Variants in KLF15 observed in about 807,000 individuals in gnomAD.
The protein encoded by KLF15 is KLF transcription factor 15.
In KLF15, 4 loss-of-function variants were observed where a neutral mutation model predicts 24.6. The observed-to-expected ratio is 0.16, with a 90% confidence interval of 0.08 to 0.37. The LOEUF is 0.37. KLF15 is among the 10% of genes least tolerant of loss of function. The probability of loss-of-function intolerance (pLI) is 1.00; values close to 1 mark genes in which losing one functional copy is unlikely to be tolerated. For synonymous variants in KLF15, 246 were observed against 236.3 expected, an observed-to-expected ratio of 1.04 and a Z score of -0.37; for missense variants, 496 against 560.6, an observed-to-expected ratio of 0.88 and a Z score of 1.16.
chr3:126,323,434 T>A, the KLF15 span, among the ~76,000 whole-genome samples: 2 of 57,588 alleles, frequency 3.5e-5, no homozygotes, highest in East Asian at 9.7e-4. Flanking sequence ...TATATATATA[T>A]AACATATATA....
chr3:126,297,602 C>A, the KLF15 span, among the ~76,000 whole-genome samples: 1 of 152,124 alleles, frequency 6.6e-6, no homozygotes, highest in Non-Finnish European at 1.5e-5. Flanking sequence ...TTTCCTCACC[C>A]ACCTCTCCCC....
chr3:126,306,400 C>T, the KLF15 span, among the ~76,000 whole-genome samples: 1 of 152,188 alleles, frequency 6.6e-6, no homozygotes, highest in African/African-American at 2.4e-5. Context: ...TTCCCCACCC[C>T]TAAGATTATT....
chr3:126,303,702 C>T, the KLF15 span, among the ~76,000 whole-genome samples: 1 of 143,518 alleles, frequency 7.0e-6, no homozygotes, highest in Non-Finnish European at 1.5e-5. Flanking sequence ...ATTTTTTGGC[C>T]ATTGTTTCTT....
the KLF15 span, among the ~76,000 whole-genome samples, chr3:126,298,283 T>C: frequency 6.6e-6 from 1 of 151,470 alleles, no homozygotes; most frequent in Non-Finnish European, 1.5e-5. Flanking sequence ...CTTAGCCCAC[T>C]TCTTGATGGG....
the KLF15 span, among the ~76,000 whole-genome samples, chr3:126,330,732 A>T: frequency 3.5e-4 from 53 of 152,258 alleles, no homozygotes; most frequent in East Asian, 9.9e-3. Flanking sequence ...TATTTCTTGT[A>T]CTTTTAGCAT....
the KLF15 span, among the ~76,000 whole-genome samples, chr3:126,312,706 G>A: frequency 2.0e-5 from 3 of 152,210 alleles, no homozygotes; most frequent in Non-Finnish European, 4.4e-5. Context: ...CAGGGCTGCT[G>A]TAACAAAGTA....
chr3:126,331,626 G>C, the KLF15 span, among the ~76,000 whole-genome samples: 654 of 152,294 alleles, frequency 4.3e-3, 5 homozygotes, highest in African/African-American at 0.014. Flanking sequence ...CAAGATGGCC[G>C]AATAGGAACA....
the KLF15 span, among the ~76,000 whole-genome samples, chr3:126,297,330 G>T: frequency 6.6e-6 from 1 of 152,020 alleles, no homozygotes; most frequent in African/African-American, 2.4e-5. Flanking sequence ...CAAATGATAA[G>T]CCTGTTGACC....
At chr3:126,311,801 C>T in the KLF15 span, among the ~76,000 whole-genome samples, 1 of 152,218 alleles carries the variant, frequency 6.6e-6, no homozygotes. Flanking sequence ...GTCAAGCTTC[C>T]TTCCTGCCTC....
chr3:126,330,333 A>G, the KLF15 span, among the ~76,000 whole-genome samples: 1 of 152,162 alleles, frequency 6.6e-6, no homozygotes, highest in African/African-American at 2.4e-5. Flanking sequence ...TGGGCTGTCA[A>G]TTACACAGTA....
downstream of KLF15, among the ~76,000 whole-genome samples, chr3:126,341,277 C>T (rs563340529): frequency 6.6e-6 from 1 of 152,332 alleles, no homozygotes; most frequent in Non-Finnish European, 1.5e-5. Flanking sequence ...CACAAGACAA[C>T]AGCAGGATGT....
At chr3:126,315,680 T>C in the KLF15 span, among the ~76,000 whole-genome samples, 1 of 152,046 alleles carries the variant, frequency 6.6e-6, no homozygotes, top group East Asian at 1.9e-4. Context: ...AAACTGAGGC[T>C]CAGAGAGACA....
chr3:126,288,408 T>C, the KLF15 span: 1 of 152,234 alleles, frequency 6.6e-6, no homozygotes. Context: ...TAAACCTTTC[T>C]TCAAAAAAAC....
the KLF15 span, among the ~76,000 whole-genome samples, chr3:126,295,976 A>G: frequency 2.6e-5 from 4 of 152,262 alleles, no homozygotes; most frequent in South Asian, 8.3e-4. Flanking sequence ...TGTCTGTGGT[A>G]TATTCATAGT....
At chr3:126,311,075 AG>A in the KLF15 span, among the ~76,000 whole-genome samples, 1 of 152,060 alleles carries the variant, frequency 6.6e-6, no homozygotes, top group Non-Finnish European at 1.5e-5. Context: ...GGGGCTGGGG[AG>A]GGTCTTCCTG....
chr3:126,327,083 A>C, the KLF15 span, among the ~76,000 whole-genome samples: 2 of 152,148 alleles, frequency 1.3e-5, no homozygotes, highest in African/African-American at 4.8e-5. Context: ...GTTTTTCCAC[A>C]GAGGTGCCTT....
chr3:126,323,540 A>G, the KLF15 span, among the ~76,000 whole-genome samples: 1 of 141,010 alleles, frequency 7.1e-6, no homozygotes, highest in Admixed American at 7.5e-5. Context: ...ATGTATGTTA[A>G]TTTTACTTTA....
the KLF15 span, among the ~76,000 whole-genome samples, chr3:126,320,629 A>G: frequency 6.6e-6 from 1 of 152,332 alleles, no homozygotes; most frequent in African/African-American, 2.4e-5. Flanking sequence ...TGCGTGCAGC[A>G]TTGTACGGGA....
the KLF15 span, chr3:126,288,785 T>C: frequency 6.6e-6 from 1 of 152,372 alleles, no homozygotes; most frequent in African/African-American, 2.4e-5. Flanking sequence ...GGTAGGGATA[T>C]CTTGACACAG....
Sources: gnomAD v4.1 joint callset for allele counts (sites outside exome capture counted in the v4.1 genomes callset) on GRCh38, gnomAD v4.1.1 for gene constraint, MANE v1.5 for transcripts, NCBI Gene and HGNC (gene_info 2026-07-23, HGNC 2026-07-21) for gene names.